The following TTK variants were observed in gnomAD, a reference collection of about 807,000 sequenced individuals.
TTK encodes the protein TTK protein kinase, also known as dual specificity protein kinase TTK.
Under a neutral mutation model 117.3 loss-of-function variants are expected in TTK, and 59 were observed. The observed-to-expected ratio is 0.50, with a 90% CI of 0.41 to 0.62. The LOEUF is 0.62. Ranked by LOEUF, TTK falls within the 20% of genes least tolerant of loss-of-function variation. TTK has a pLI of 0.00. For missense variants in TTK, 921 were observed against 989.4 expected (o/e 0.93, Z 0.93); for synonymous variants, 302 against 325.0 (o/e 0.93, Z 0.76).
rs1767058295 is a variant in TTK, at chr6:80,008,604, A to T, written c.469+112A>T. On this transcript the variant is annotated intron_variant, in intron 4 of 21. Transcript: ENST00000369798. ...GGAAATTTGAGGCAAAAGACATTAA[A>T]GTTGATCAGATGAGAATATGGGGAG... 3 of 922,984 alleles carry T rather than the reference A, an allele frequency of 3.3e-6. No homozygotes were observed. In the South Asian group the frequency reaches 5.5e-5, roughly 17 times the overall value. 57.2% of individuals were successfully genotyped at this position (922,984 alleles called of 1,614,324 possible). A position where few individuals can be genotyped will look rare whatever the true frequency, so the allele number is the denominator to read the frequency against.
At chr6:80,012,087 A>G in intron 8 of TTK, 107 bp downstream of exon 8, 3 of 866,810 alleles carry the variant, frequency 3.5e-6, no homozygotes, top group Non-Finnish European at 5.0e-6. Flanking sequence ...TTAAATTTTT[A>G]TTCAGTTTTA....
At position 80,014,527 on chromosome 6, in the gene TTK, T is replaced by C. The variant is rs756132806; in HGVS notation, c.1049T>C (p.Ile350Thr). The change falls in exon 10 of 22, where the codon ATT becomes ACT. Residue 350 changes from isoleucine to threonine, a missense_variant. Ile to Thr is a moderately conservative substitution (Grantham distance 89). Transcript: ENST00000369798. ...VSDEKSSELI[I>T]TDSITLKNKT... Reference sequence around the variant, plus strand: ...GATGAAAAGAGTTCTGAACTTATTATTACTGATTCAATAACCCTGAAGAAT... The same window carrying C: ...GATGAAAAGAGTTCTGAACTTATTACTACTGATTCAATAACCCTGAAGAAT... 5 of 1,610,010 alleles carry C rather than the reference T, an allele frequency of 3.1e-6. No homozygotes were observed. In the East Asian group the frequency reaches 1.1e-4, roughly 36 times the overall value.
chr6:80,011,623 GTATCTGCAT>G, intron 6 of TTK, 75 bp downstream of exon 6: 1 of 1,514,360 alleles, frequency 6.6e-7, no homozygotes, highest in Non-Finnish European at 9.1e-7. Flanking sequence ...GTAATTACAT[GTATCTGCAT>G]ATATGTTTTC....
chr6:80,011,603 G>GT, intron 6 of TTK, 55 bp downstream of exon 6: 2 of 1,547,416 alleles, frequency 1.3e-6, no homozygotes, highest in East Asian at 4.5e-5. Flanking sequence ...GTACATCTGT[G>GT]TTTTTTAATG....
chr6:80,029,374 G>A (rs1423567463), intron 13 of TTK, among the ~76,000 whole-genome samples: 1 of 152,174 alleles, frequency 6.6e-6, no homozygotes, highest in Non-Finnish European at 1.5e-5. Context: ...ATAATGAGCT[G>A]ACAGTAGATA....
At chr6:80,020,108 T>C (rs1021564341) in intron 10 of TTK, among the ~76,000 whole-genome samples, 13 of 152,098 alleles carry the variant, frequency 8.5e-5, no homozygotes, top group Non-Finnish European at 1.9e-4. Context: ...CCAATAGCTT[T>C]TACCTCAGAA....
At chr6:80,025,408 G>T (rs1440143374) in intron 11 of TTK, among the ~76,000 whole-genome samples, 1 of 152,224 alleles carries the variant, frequency 6.6e-6, no homozygotes, top group Non-Finnish European at 1.5e-5. Flanking sequence ...GAGGACCAGT[G>T]TGTTGAAATT....
Position 80,036,558 on chromosome 6 carries a change from C to T in TTK, c.2008C>T (p.Gln670Ter), listed in dbSNP as rs755594526. 1.9e-6 allele frequency: 3 copies of T among 1,611,300 alleles called. No individual in the cohort carries two copies. The highest frequency in any genetic ancestry group is 2.2e-5 in the South Asian group (2 of 90,666). ...LKLIDFGIANQMQPDTTSVVK... is the reference protein window; with the variant it reads ...LKLIDFGIAN ...GCTAATTGATTTTGGGATTGCAAAC[C>T]AAATGCAACCAGATACAACAAGTGT... The change falls in exon 17 of 22, where the codon CAA (glutamine) becomes TAA (stop). Residue 670 changes from glutamine to a stop codon, truncating the protein, a stop_gained. Transcript: ENST00000369798. LOFTEE classifies it high-confidence loss of function.
At chr6:80,037,892 A>C (rs1747102804) in intron 17 of TTK, 75 bp from the exon 18 acceptor site, 1 of 572,728 alleles carries the variant, frequency 1.7e-6, no homozygotes, top group Non-Finnish European at 2.7e-6. Flanking sequence ...TAATAATAAT[A>C]ATAATCTCAA....
In TTK at chr6:80,031,567, T is replaced by A. The variant is rs1330334192; in HGVS notation, c.1614+8T>A. The A allele has an allele frequency of 6.8e-7, 1 of 1,471,094 alleles. No homozygotes were observed. Among genetic ancestry groups the A allele is most frequent in the Admixed American group, 2.6e-5 (1 of 38,266 alleles). The allele number at this position is 1,471,094 out of a possible 1,614,324, so 91.1% of individuals were successfully genotyped here. ...AGTGGAGGTTCAAGCAAGGTAAGTA[T>A]CTTAAAATATTTACGAAATAAATAA... is the stretch of plus-strand genomic sequence containing the variant. On this transcript the variant is annotated splice_region_variant and intron_variant, in intron 14 of 21. Transcript: ENST00000369798.
intron 10 of TTK, among the ~76,000 whole-genome samples, chr6:80,020,409 A>G (rs1425999388): frequency 6.6e-6 from 1 of 152,244 alleles, no homozygotes; most frequent in East Asian, 1.9e-4. Context: ...TAAAAAAACA[A>G]AATCTCCAAG....
chr6:80,014,520 C>T lies in TTK; in HGVS notation c.1042C>T (p.Leu348Phe). 6.2e-7 allele frequency: 1 copy of T among 1,609,716 alleles called. No individual in the cohort carries two copies. Among genetic ancestry groups the T allele is most frequent in the Non-Finnish European group, 8.5e-7 (1 of 1,177,694 alleles). The change falls in exon 10 of 22, where the codon CTT becomes TTT. Residue 348 changes from leucine to phenylalanine, a missense_variant. Transcript: ENST00000369798. ...PLVSDEKSSE[L>F]IITDSITLKN... The stretch of plus-strand genomic sequence containing the variant: ...GGTGTCAGATGAAAAGAGTTCTGAA[C>T]TTATTATTACTGATTCAATAACCCT...
chr6:80,031,548 G>T lies in TTK; in HGVS notation c.1603G>T (p.Gly535Cys). 2.6e-6 allele frequency: 4 copies of T among 1,518,254 alleles called. No homozygotes were observed. The highest frequency in any genetic ancestry group is 2.6e-6 in the Non-Finnish European group (3 of 1,139,376). 94.0% of individuals were successfully genotyped at this position (1,518,254 alleles called of 1,614,324 possible). Reference sequence around the variant, plus strand: ...CATATTAAAGCAGATAGGAAGTGGAGGTTCAAGCAAGGTAAGTATCTTAAA... The same window carrying T: ...CATATTAAAGCAGATAGGAAGTGGATGTTCAAGCAAGGTAAGTATCTTAAA... ...YSILKQIGSG[G>C]SSKVFQVLNE... The change falls in exon 14 of 22, where the codon GGT becomes TGT. Residue 535 changes from glycine (G) to cysteine (C), a missense_variant. Coordinates refer to ENST00000369798, the MANE Select transcript of TTK (RefSeq NM_003318.5).
chr6:80,022,189 C>A, intron 10 of TTK, 135 bp from the exon 11 acceptor site: 2 of 972,510 alleles, frequency 2.1e-6, no homozygotes, highest in Non-Finnish European at 2.9e-6. Flanking sequence ...TGGCTTAAAG[C>A]TTTTAGTTTC....
intron 14 of TTK, among the ~76,000 whole-genome samples, chr6:80,033,768 G>GTA (rs1251718781): frequency 1.3e-5 from 2 of 152,050 alleles, no homozygotes; most frequent in Non-Finnish European, 2.9e-5. Flanking sequence ...ATTACCATGT[G>GTA]TATCAACTCT....
chr6:80,036,343 A>C, intron 16 of TTK, 132 bp from the exon 17 acceptor site: 1 of 1,067,576 alleles, frequency 9.4e-7, no homozygotes, highest in Non-Finnish European at 1.3e-6. Flanking sequence ...TATTTGCAGA[A>C]TATATAAAAA....
intron 12 of TTK, among the ~76,000 whole-genome samples, chr6:80,027,027 G>A (rs113808680): frequency 0.024 from 3,601 of 152,188 alleles, 57 homozygotes; most frequent in African/African-American, 0.027. Context: ...GATGATGAGT[G>A]TGCTGATAGG....
rs183612377 is a variant in TTK at position 80,016,088 on chromosome 6, G to A, written c.1108+1502G>A. ...ATATAGTCTGTTGATTTTTATTGCC[G>A]TATACTATTTAACTAGTGTAAATAT... On this transcript the variant is annotated intron_variant, in intron 10 of 21. Coordinates refer to ENST00000369798, the MANE Select transcript of TTK (RefSeq NM_003318.5). 2.1e-3 allele frequency among the ~76,000 whole-genome samples: 321 copies of A among 152,164 alleles called. 1 individual carries two copies. The highest frequency in any genetic ancestry group is 2.1e-3 in the Non-Finnish European group (141 of 67,994).
chr6:80,008,058 C>T (rs1415062945), intron 3 of TTK, 27 bp downstream of exon 3: 1 of 1,603,278 alleles, frequency 6.2e-7, no homozygotes, highest in African/African-American at 1.3e-5. Context: ...TAACTATGTT[C>T]AACTATGTTA....
Sources: gnomAD v4.1 joint callset for allele counts (sites outside exome capture counted in the v4.1 genomes callset) on GRCh38, gnomAD v4.1.1 for gene constraint, MANE v1.5 for transcripts, NCBI Gene and HGNC (gene_info 2026-07-23, HGNC 2026-07-21) for gene names.